The following KMT2E variants were observed in gnomAD, a reference collection of about 807,000 sequenced individuals.
KMT2E encodes the protein histone reader KMT2E.
Under a neutral mutation model 184.6 loss-of-function variants are expected in KMT2E, and 30 were observed. That is an observed-to-expected ratio of 0.16 (90% CI 0.12 to 0.22). KMT2E has a LOEUF of 0.22. KMT2E is among the 10% of genes least tolerant of loss of function. KMT2E has a pLI of 1.00. For synonymous variants in KMT2E, 815 were observed against 776.5 expected (o/e 1.05, Z -0.82); for missense variants, 2,023 against 2,237.4 (o/e 0.90, Z 1.93).
chr7:105,065,216 C>T (rs1341958667), intron 5 of KMT2E, among the ~76,000 whole-genome samples: 1 of 152,152 alleles, frequency 6.6e-6, no homozygotes, highest in Admixed American at 6.6e-5. Context: ...ACTACTTATA[C>T]TCATCTCTTT....
In KMT2E at chr7:105,094,014, A is replaced by T. The variant is rs527841687; in HGVS notation, c.1722+2700A>T. On this transcript the variant is annotated intron_variant, in intron 15 of 26. Coordinates refer to ENST00000311117, the MANE Select transcript of KMT2E (RefSeq NM_182931.3). ...CTGCTGACCCATAGCTCTCCAAGTT[A>T]TCACAATTGTTACTTCTAATTAGTT... Among the ~76,000 whole-genome samples the T allele has an allele frequency of 3.8e-4, 58 of 152,314 alleles. No individual in the cohort carries two copies. The South Asian group carries it at 0.012, about 32-fold the overall frequency.
At chr7:105,058,085 C>G (rs1796646248) in intron 3 of KMT2E, among the ~76,000 whole-genome samples, 2 of 152,164 alleles carry the variant, frequency 1.3e-5, no homozygotes, top group Admixed American at 6.6e-5. Context: ...AAAATTCAGC[C>G]TATAGAAGTT....
At position 105,077,477 on chromosome 7, in the gene KMT2E, A is replaced by G. The variant is rs375853116; in HGVS notation, c.1130+44A>G. ...CCATGTTCATTTTCTGTAGGTAAATATTGAACTTTTGGCTGTTTTACCTAG... is the reference window on the plus strand; with the variant it reads ...CCATGTTCATTTTCTGTAGGTAAATGTTGAACTTTTGGCTGTTTTACCTAG... On this transcript the variant is annotated intron_variant, in intron 11 of 26. Transcript: ENST00000311117. 24 of 1,519,622 alleles carry G rather than the reference A, an allele frequency of 1.6e-5. No individual in the cohort carries two copies. In the East Asian group the frequency reaches 4.8e-4, roughly 30 times the overall value. The allele number at this position is 1,519,622 out of a possible 1,614,324, so 94.1% of individuals were successfully genotyped here.
intron 1 of KMT2E, among the ~76,000 whole-genome samples, chr7:105,028,799 C>G (rs112269055): frequency 6.6e-6 from 1 of 151,988 alleles, no homozygotes; most frequent in African/African-American, 2.4e-5. Flanking sequence ...CCACCGTGCA[C>G]GGCCTGAGAC....
In KMT2E at chr7:105,091,259, G is replaced by A; in HGVS notation, c.1667G>A (p.Ser556Asn). The change falls in exon 15 of 27, where the codon AGT becomes AAT. Residue 556 changes from serine to asparagine, a missense_variant. Transcript: ENST00000311117. The stretch of plus-strand genomic sequence containing the variant: ...GATATAGAAGAAAAAACTCCTATTA[G>A]TAATGAAGTAGAAATGGAATCAGAG... ...IDDIEEKTPISNEVEMESEEQ... is the reference protein window; with the variant it reads ...IDDIEEKTPINNEVEMESEEQ... The A allele has an allele frequency of 6.2e-7, 1 of 1,604,494 alleles. No homozygotes were observed.
At chr7:105,090,393 T>C in intron 14 of KMT2E, 120 bp downstream of exon 14, 1 of 1,130,728 alleles carries the variant, frequency 8.8e-7, no homozygotes, top group Non-Finnish European at 1.2e-6. Context: ...TTCTGTCATT[T>C]AATGAAGTAT....
rs1458645760 is a variant in KMT2E, at chr7:105,114,521, A to T, written c.*1188A>T. Among the ~76,000 whole-genome samples the T allele has an allele frequency of 2.6e-5, 4 of 151,756 alleles. No individual in the cohort carries two copies. Among genetic ancestry groups the T allele is most frequent in the Non-Finnish European group, 3.0e-5 (2 of 67,762 alleles). On this transcript the variant is annotated 3_prime_UTR_variant, in exon 27 of 27. Coordinates refer to ENST00000311117, the MANE Select transcript of KMT2E (RefSeq NM_182931.3). ...TTTTATTGCTAAAATATAAAATGCT[A>T]GTTAGTTATTAATTATTAATCTTCA...
intron 3 of KMT2E, chr7:105,061,842 CT>C (rs1796826458): frequency 5.2e-6 from 1 of 193,714 alleles, no homozygotes; most frequent in Admixed American, 5.8e-5. Flanking sequence ...ATTTCTACTA[CT>C]TCTTTGCACC....
At chr7:105,017,567 G>C (rs997095256) in intron 1 of KMT2E, among the ~76,000 whole-genome samples, 1 of 149,494 alleles carries the variant, frequency 6.7e-6, no homozygotes, top group Non-Finnish European at 1.5e-5. Context: ...AATTTACTAT[G>C]TGTGTTTTAA....
In KMT2E at chr7:105,102,200, A is replaced by C; in HGVS notation, c.2196+6A>C. 6.4e-7 allele frequency: 1 copy of C among 1,574,578 alleles called. No homozygotes were observed. Among genetic ancestry groups the C allele is most frequent in the Non-Finnish European group, 8.6e-7 (1 of 1,167,394 alleles). On this transcript the variant is annotated splice_donor_region_variant and intron_variant, in intron 17 of 26. Transcript: ENST00000311117. ...AGTACCCCAAAACAAAGAAGGTATGATTCTAATGAATGTAAGAACTGTTTT... is the reference window on the plus strand; with the variant it reads ...AGTACCCCAAAACAAAGAAGGTATGCTTCTAATGAATGTAAGAACTGTTTT...
intron 2 of KMT2E, among the ~76,000 whole-genome samples, chr7:105,040,607 G>A (rs1449289072): frequency 6.6e-6 from 1 of 152,044 alleles, no homozygotes; most frequent in African/African-American, 2.4e-5. Flanking sequence ...CACTAAATAT[G>A]CCGTAGTAAT....
At chr7:105,031,221 G>A (rs186627345) in intron 1 of KMT2E, among the ~76,000 whole-genome samples, 1 of 151,670 alleles carries the variant, frequency 6.6e-6, no homozygotes, top group Non-Finnish European at 1.5e-5. Context: ...ATCCAGGCGT[G>A]GTGGCAGATA....
At chr7:105,046,849 C>T (rs564623577) in intron 3 of KMT2E, among the ~76,000 whole-genome samples, 1 of 152,236 alleles carries the variant, frequency 6.6e-6, no homozygotes, top group South Asian at 2.1e-4. Context: ...AACAAAATTG[C>T]CATTAAAATA....
chr7:105,078,794 C>T lies in KMT2E; in HGVS notation c.1131-52C>T. On this transcript the variant is annotated intron_variant, in intron 11 of 26. Coordinates refer to ENST00000311117, the MANE Select transcript of KMT2E (RefSeq NM_182931.3). ...AAGTGCTGGAATTACAGGTGTGAACCAGCATGCCCGGCCTAAAATGTTAAT... is the reference window on the plus strand; with the variant it reads ...AAGTGCTGGAATTACAGGTGTGAACTAGCATGCCCGGCCTAAAATGTTAAT... 3.0e-6 allele frequency: 3 copies of T among 1,009,908 alleles called. No individual in the cohort carries two copies. In the South Asian group the frequency reaches 4.0e-5, roughly 13 times the overall value. 62.6% of individuals were successfully genotyped at this position (1,009,908 alleles called of 1,614,324 possible). A position where few individuals can be genotyped will look rare whatever the true frequency, so the allele number is the denominator to read the frequency against.
intron 26 of KMT2E, 117 bp from the exon 27 acceptor site, chr7:105,111,708 G>A (rs1316870585): frequency 8.2e-7 from 1 of 1,212,388 alleles, no homozygotes; most frequent in African/African-American, 1.5e-5. Context: ...TATCCAGGAT[G>A]TTATTTCCTG....
intron 13 of KMT2E, among the ~76,000 whole-genome samples, chr7:105,086,884 A>G (rs1797988882): frequency 8.2e-6 from 1 of 121,526 alleles, no homozygotes; most frequent in Non-Finnish European, 1.6e-5. Flanking sequence ...TATATGCTAT[A>G]TATTATAGCA....
intron 17 of KMT2E, chr7:105,104,848 T>C (rs2299297): frequency 0.61 from 92,635 of 151,986 alleles, 29,450 homozygotes; most frequent in South Asian, 0.71. Context: ...AATAAAATGG[T>C]ACTGACGTGT....
At chr7:105,058,925 A>G (rs1284330734) in intron 3 of KMT2E, among the ~76,000 whole-genome samples, 2 of 152,202 alleles carry the variant, frequency 1.3e-5, no homozygotes, top group Admixed American at 1.3e-4. Flanking sequence ...ACAGGCTAAA[A>G]GAAAAAAAGA....
intron 23 of KMT2E, 46 bp downstream of exon 23, chr7:105,109,274 G>C: frequency 6.4e-7 from 1 of 1,567,784 alleles, no homozygotes; most frequent in East Asian, 2.3e-5. Context: ...ACAAGCTTTT[G>C]TTCAAGTATT....
Sources: gnomAD v4.1 joint callset for allele counts (sites outside exome capture counted in the v4.1 genomes callset) on GRCh38, gnomAD v4.1.1 for gene constraint, MANE v1.5 for transcripts, NCBI Gene and HGNC (gene_info 2026-07-23, HGNC 2026-07-21) for gene names.